OSBPL10: variants seen among roughly 807,000 people sequenced by gnomAD.
OSBPL10 encodes the protein oxysterol binding protein like 10, also known as oxysterol-binding protein-related protein 10.
In OSBPL10, 49 loss-of-function variants were observed where a neutral mutation model predicts 81.7. The ratio of observed to expected loss-of-function variants is 0.60; its 90% confidence interval spans 0.48 to 0.76. OSBPL10 has a LOEUF of 0.76. Among genes scored for constraint, OSBPL10 ranks in the 30% least tolerant of loss-of-function variants. The pLI, the probability that OSBPL10 is intolerant of heterozygous loss-of-function variation, is 0.00. For synonymous variants in OSBPL10, 419 were observed against 383.6 expected, an observed-to-expected ratio of 1.09 and a Z score of -1.08; for missense variants, 923 against 987.8, an observed-to-expected ratio of 0.93 and a Z score of 0.88.
In OSBPL10 at chr3:31,997,405, C is replaced by G. The variant is rs369434157; in HGVS notation, n.298+49086G>C. Among the ~76,000 whole-genome samples, 3 of 151,824 alleles carry G rather than the reference C, an allele frequency of 2.0e-5. No homozygotes were observed. The East Asian group carries it at 5.9e-4, about 30-fold the overall frequency. Reference sequence around the variant, plus strand: ...TCAGCCTCCCAAGTCACTGGGATTACAAGCACGAGCCACCACACCCAGCTA... The same window carrying G: ...TCAGCCTCCCAAGTCACTGGGATTAGAAGCACGAGCCACCACACCCAGCTA... On this transcript the variant is annotated intron_variant and non_coding_transcript_variant, in intron 2 of 3. Coordinates refer to the OSBPL10 transcript ENST00000479173.
intron 1 of OSBPL10, among the ~76,000 whole-genome samples, chr3:31,935,102 T>C (rs866686113): frequency 6.6e-6 from 1 of 152,120 alleles, no homozygotes; most frequent in Non-Finnish European, 1.5e-5. Flanking sequence ...GCCTCACAGA[T>C]CCTGTTTATC....
At chr3:31,908,529 T>C (rs752801211) in intron 1 of OSBPL10, among the ~76,000 whole-genome samples, 7 of 152,170 alleles carry the variant, frequency 4.6e-5, no homozygotes, top group Non-Finnish European at 7.4e-5. Context: ...AGAGGCAAGA[T>C]GGCCAGCCCA....
At chr3:31,778,905 C>A (rs1012698865) in intron 4 of OSBPL10, among the ~76,000 whole-genome samples, 2 of 152,110 alleles carry the variant, frequency 1.3e-5, no homozygotes, top group African/African-American at 4.8e-5. Context: ...GGACTGGGAT[C>A]CTATCTTTAG....
chr3:31,662,206 T>G, intron 11 of OSBPL10, 90 bp from the exon 12 acceptor site: 1 of 1,597,740 alleles, frequency 6.3e-7, no homozygotes, highest in Non-Finnish European at 8.5e-7. Context: ...TCTGTGTGTC[T>G]GCCGTGTCTT....
At chr3:31,996,506 AAG>A (rs1699091194) in intron 2 of OSBPL10, among the ~76,000 whole-genome samples, 1 of 146,216 alleles carries the variant, frequency 6.8e-6, no homozygotes, top group Non-Finnish European at 1.5e-5. Context: ...CCAGGGGGAG[AAG>A]GGGGTTAGTG....
At chr3:31,864,664 T>C (rs2125604354) in intron 3 of OSBPL10, among the ~76,000 whole-genome samples, 1 of 152,036 alleles carries the variant, frequency 6.6e-6, no homozygotes, top group African/African-American at 2.4e-5. Flanking sequence ...TGCAGGGTGC[T>C]TGGGGAGCTG....
intron 6 of OSBPL10, chr3:31,709,136 T>A: frequency 1.5e-6 from 1 of 655,114 alleles, no homozygotes; most frequent in Non-Finnish European, 1.9e-6. Flanking sequence ...CAGGTCCAAG[T>A]ACACGCATGT....
intron 1 of OSBPL10, among the ~76,000 whole-genome samples, chr3:31,927,514 C>G (rs1697108925): frequency 6.6e-6 from 1 of 152,162 alleles, no homozygotes; most frequent in Non-Finnish European, 1.5e-5. Context: ...ACTGAACAAC[C>G]TATGTCAGAT....
chr3:32,072,958 C>T (rs1699842585), intron 1 of OSBPL10, among the ~76,000 whole-genome samples: 1 of 152,068 alleles, frequency 6.6e-6, no homozygotes, highest in South Asian at 2.1e-4. Context: ...GTTTCTCAGG[C>T]TCTTGGTATT....
chr3:31,992,017 G>A (rs62244401), intron 2 of OSBPL10, among the ~76,000 whole-genome samples: 10,596 of 151,918 alleles, frequency 0.07, 645 homozygotes, highest in East Asian at 0.32. Context: ...GTAGTGGCAC[G>A]CACCAGTAGT....
intron 8 of OSBPL10, among the ~76,000 whole-genome samples, chr3:31,682,213 TA>T (rs1700666987): frequency 1.3e-5 from 2 of 151,308 alleles, no homozygotes; most frequent in Admixed American, 1.3e-4. Context: ...TTTCCACCAT[TA>T]CCCCCGCCCA....
At chr3:31,984,308 G>A (rs1012514113), upstream of OSBPL10, among the ~76,000 whole-genome samples, 1 of 151,624 alleles carries the variant, frequency 6.6e-6, no homozygotes, top group Non-Finnish European at 1.5e-5. Context: ...CCAAAGTGCT[G>A]GGATTACAGG....
At chr3:31,753,371 G>C (rs1697777783) in intron 4 of OSBPL10, among the ~76,000 whole-genome samples, 1 of 152,012 alleles carries the variant, frequency 6.6e-6, no homozygotes, top group African/African-American at 2.4e-5. Context: ...GTTTAGTAGA[G>C]ACAGGGTTTC....
chr3:32,064,490 A>C (rs1699765311), intron 1 of OSBPL10: 1 of 93,312 alleles, frequency 1.1e-5, no homozygotes, highest in African/African-American at 2.8e-5. Context: ...TCAAGCACAA[A>C]TGTTGAGGAC....
chr3:31,965,160 G>A (rs1046335784), intron 1 of OSBPL10, among the ~76,000 whole-genome samples: 6 of 151,666 alleles, frequency 4.0e-5, no homozygotes, highest in African/African-American at 1.5e-4. Context: ...ACGAGGTCAG[G>A]AGATTGTGAC....
intron 7 of OSBPL10, among the ~76,000 whole-genome samples, chr3:31,699,040 C>A (rs1024242975): frequency 6.6e-6 from 1 of 152,184 alleles, no homozygotes; most frequent in South Asian, 2.1e-4. Context: ...CAGTGCTCAA[C>A]AAATACATGT....
intron 4 of OSBPL10, among the ~76,000 whole-genome samples, chr3:31,772,629 C>T (rs1471612731): frequency 6.6e-6 from 1 of 152,220 alleles, no homozygotes; most frequent in Non-Finnish European, 1.5e-5. Flanking sequence ...CCCCTGCCGT[C>T]TCTATCCTCT....
intron 1 of OSBPL10, among the ~76,000 whole-genome samples, chr3:31,880,413 T>C (rs1212815748): frequency 6.6e-6 from 1 of 152,180 alleles, no homozygotes; most frequent in Admixed American, 6.5e-5. Context: ...CTCTGGGACG[T>C]TGAAATGCCA....
At chr3:31,677,912 TCTACTAAA>T (rs1273342421) in intron 8 of OSBPL10, among the ~76,000 whole-genome samples, 1 of 148,584 alleles carries the variant, frequency 6.7e-6, no homozygotes, top group African/African-American at 2.6e-5. Flanking sequence ...AAACCCCGTC[TCTACTAAA>T]AATACAAAAA....
Sources: allele counts gnomAD v4.1 joint callset (sites outside exome capture counted in the v4.1 genomes callset), GRCh38; gene constraint gnomAD v4.1.1; transcripts MANE v1.5; gene names NCBI Gene and HGNC (gene_info 2026-07-23, HGNC 2026-07-21).